XKRX: variants seen among roughly 807,000 people sequenced by gnomAD.
The protein encoded by XKRX is XK-related protein 2.
A neutral mutation model predicts 22.4 loss-of-function variants in XKRX; 11 were observed. The observed-to-expected ratio is 0.49, with a 90% CI of 0.31 to 0.81. The LOEUF is 0.81. Ranked by LOEUF, XKRX falls within the 40% of genes least tolerant of loss-of-function variation. The pLI is 0.05. For synonymous variants in XKRX, 114 were observed against 132.2 expected, an observed-to-expected ratio of 0.86 and a Z score of 0.94; for missense variants, 320 against 336.5, an observed-to-expected ratio of 0.95 and a Z score of 0.38.
At chrX:100,922,272 T>C (rs1222158689) in intron 2 of XKRX, among the ~76,000 whole-genome samples, 1 of 112,231 alleles carries the variant, frequency 8.9e-6, no homozygotes, top group Admixed American at 9.5e-5. Flanking sequence ...GTGAATATAA[T>C]TTCAAAAAGA....
chrX:100,897,584 A>AAT, the XKRX span, among the ~76,000 whole-genome samples: 66 of 45,007 alleles, frequency 1.5e-3, 1 homozygote, highest in African/African-American at 4.8e-3. Context: ...AAATCCCACA[A>AAT]ATATATATAT....
chrX:100,898,922 G>A, the XKRX span, among the ~76,000 whole-genome samples: 2 of 110,714 alleles, frequency 1.8e-5, no homozygotes, highest in African/African-American at 3.3e-5. Context: ...AGACTTCATG[G>A]CCACATGTAG....
In XKRX at chrX:100,914,950, C is replaced by T; in HGVS notation, c.738G>A (p.Trp246Ter). 8.3e-7 allele frequency: 1 copy of T among 1,211,740 alleles called. No individual in the cohort carries two copies. The change falls in exon 3 of 3, where the codon TGG (tryptophan) becomes TGA (stop). Residue 246 changes from tryptophan to a stop codon, truncating the protein, a stop_gained. Coordinates refer to ENST00000372956, the MANE Select transcript of XKRX (RefSeq NM_212559.3). LOFTEE classifies it high-confidence loss of function. The stretch of plus-strand genomic sequence containing the variant: ...GGCGGGAAGTGATCTCCAATGTCCG[C>T]CAGATGGTGATGCAGAGGACTTCTA... The part of the protein sequence containing the change: ...GPLEVLCITI[W>*]RTLEITSRLL...
At chrX:100,909,902 CAAAAAAAAAAAAAAAAAA>C (rs5903174), downstream of XKRX, among the ~76,000 whole-genome samples, 2 of 34,529 alleles carry the variant, frequency 5.8e-5, no homozygotes, top group Non-Finnish European at 5.5e-5. Flanking sequence ...GACTCCATCT[CAAAAAAAAAAAAAAAAAA>C]AAAAAAAAAA....
chrX:100,901,704 A>G, the XKRX span, among the ~76,000 whole-genome samples: 78 of 112,259 alleles, frequency 6.9e-4, no homozygotes, highest in African/African-American at 2.3e-3. Flanking sequence ...ATTCATCAAG[A>G]TATCACATTT....
upstream of XKRX, among the ~76,000 whole-genome samples, chrX:100,933,657 C>T (rs1401804003): frequency 9.1e-6 from 1 of 110,403 alleles, no homozygotes; most frequent in Non-Finnish European, 1.9e-5. Context: ...GAAGTAACTT[C>T]CCTGCAGCCC....
the XKRX span, among the ~76,000 whole-genome samples, chrX:100,901,031 CTG>C: frequency 9.0e-6 from 1 of 110,945 alleles, no homozygotes; most frequent in Non-Finnish European, 1.9e-5. Context: ...ACCTCGTGAT[CTG>C]CCCGCCTTGG....
At chrX:100,894,893 A>G in the XKRX span, among the ~76,000 whole-genome samples, 2 of 112,326 alleles carry the variant, frequency 1.8e-5, no homozygotes, top group South Asian at 3.7e-4. Flanking sequence ...GCAAGTTCAG[A>G]CAGGAAAAAG....
At chrX:100,888,260 C>T in the XKRX span, 2 of 765,583 alleles carry the variant, frequency 2.6e-6, no homozygotes, top group Admixed American at 2.2e-5. Flanking sequence ...TTCTTTAATG[C>T]CACCAACAAA....
At chrX:100,902,282 GA>G in the XKRX span, among the ~76,000 whole-genome samples, 39 of 111,582 alleles carry the variant, frequency 3.5e-4, 1 homozygote, top group African/African-American at 1.3e-3. Context: ...AAGCAGTGCT[GA>G]GGGGGAAAAT....
At chrX:100,907,845 T>C in the XKRX span, among the ~76,000 whole-genome samples, 1 of 111,419 alleles carries the variant, frequency 9.0e-6, no homozygotes, top group Non-Finnish European at 1.9e-5. Flanking sequence ...TAACTGTTTA[T>C]CTCCCACATC....
the XKRX span, among the ~76,000 whole-genome samples, chrX:100,952,289 A>T: frequency 9.0e-6 from 1 of 111,239 alleles, no homozygotes; most frequent in Middle Eastern, 4.2e-3. Flanking sequence ...AACTAGGAAT[A>T]CAAGGTAACT....
chrX:100,948,552 C>CA, the XKRX span, among the ~76,000 whole-genome samples: 1 of 111,898 alleles, frequency 8.9e-6, no homozygotes, highest in African/African-American at 3.2e-5. Context: ...GGCCCAGACC[C>CA]AAAAAAAGAG....
chrX:100,890,200 A>T, the XKRX span, among the ~76,000 whole-genome samples: 1 of 111,196 alleles, frequency 9.0e-6, no homozygotes, highest in African/African-American at 3.3e-5. Context: ...AAATGGACCT[A>T]AACTCGTTGT....
the XKRX span, among the ~76,000 whole-genome samples, chrX:100,894,034 C>T: frequency 8.8e-4 from 98 of 110,842 alleles, no homozygotes; most frequent in African/African-American, 2.7e-3. Flanking sequence ...TTTGGGAGGC[C>T]GAGGCAGGCG....
chrX:100,929,286 G>C (rs1408993311), upstream of XKRX: 1 of 111,757 alleles, frequency 8.9e-6, no homozygotes, highest in Non-Finnish European at 1.9e-5. Flanking sequence ...GGACGGCTGC[G>C]GCCAAACAAA....
chrX:100,958,272 C>T, the XKRX span, among the ~76,000 whole-genome samples: 12 of 111,762 alleles, frequency 1.1e-4, no homozygotes, highest in South Asian at 1.1e-3. Context: ...GAAAAGAACA[C>T]GGAAACCTTT....
chrX:100,928,231 C>T lies in XKRX; in HGVS notation c.74G>A (p.Arg25His), dbSNP rs569433876. 2 of 1,210,074 alleles carry T rather than the reference C, an allele frequency of 1.7e-6. No homozygotes were observed. Among genetic ancestry groups the T allele is most frequent in the Middle Eastern group, 4.6e-4 (2 of 4,353 alleles). The change falls in exon 1 of 3, where the codon CGT (arginine) becomes CAT (histidine). Residue 25 changes from arginine to histidine, a missense_variant. Arg to His is a conservative substitution (Grantham distance 29). Coordinates refer to ENST00000372956, the MANE Select transcript of XKRX (RefSeq NM_212559.3). ...PVSSLEEDVI[R>H]GANPRFTFPF... The stretch of plus-strand genomic sequence containing the variant: ...AAAAGTAAATCGGGGGTTGGCTCCA[C>T]GGATGACATCTTCCTCCAGAGATGA...
intron 1 of XKRX, 84 bp from the exon 2 acceptor site, chrX:100,923,145 G>C: frequency 9.2e-7 from 1 of 1,091,707 alleles, no homozygotes; most frequent in East Asian, 3.0e-5. Context: ...AACTTGGGGA[G>C]GTTGTGCTAC....
Sources: gnomAD v4.1 joint callset for allele counts (sites outside exome capture counted in the v4.1 genomes callset) on GRCh38, gnomAD v4.1.1 for gene constraint, MANE v1.5 for transcripts, NCBI Gene and HGNC (gene_info 2026-07-23, HGNC 2026-07-21) for gene names.